HERC1: variants seen among roughly 807,000 people sequenced by gnomAD.
HERC1 encodes probable E3 ubiquitin-protein ligase HERC1.
Under a neutral mutation model 554.3 loss-of-function variants are expected in HERC1, and 160 were observed. The ratio of observed to expected loss-of-function variants is 0.29; its 90% CI spans 0.25 to 0.33. The LOEUF (loss-of-function observed/expected upper bound fraction) is 0.33. Among genes scored for constraint, HERC1 ranks in the 10% least tolerant of loss-of-function variants. HERC1 has a pLI of 1.00. For synonymous variants in HERC1, 2,175 were observed against 2,131.7 expected, an observed-to-expected ratio of 1.02 and a Z score of -0.56; for missense variants, 4,919 against 5,918.5, an observed-to-expected ratio of 0.83 and a Z score of 5.54.
chr15:63,763,778 ATTTAT>A (rs2075685630), intron 3 of HERC1, among the ~76,000 whole-genome samples: 2 of 152,192 alleles, frequency 1.3e-5, no homozygotes, highest in African/African-American at 4.8e-5. Flanking sequence ...TTAGAAGGGT[ATTTAT>A]TTTATAATAA....
chr15:63,646,128 G>C (rs1450994294), intron 55 of HERC1, among the ~76,000 whole-genome samples: 1 of 152,108 alleles, frequency 6.6e-6, no homozygotes, highest in Non-Finnish European at 1.5e-5. Context: ...TGTGATCATT[G>C]TGCTCTTCTG....
intron 51 of HERC1, 36 bp from the exon 52 acceptor site, chr15:63,652,577 T>A: frequency 6.8e-7 from 1 of 1,469,766 alleles, no homozygotes; most frequent in South Asian, 1.3e-5. Context: ...AATAATTTTC[T>A]ATTCAAATGA....
rs115245190 is a variant in HERC1 at position 63,639,273 on chromosome 15, T to C, written c.11902-497A>G. The stretch of plus-strand genomic sequence containing the variant: ...GATGGTCTCTTAAGATTATAAAACC[T>C]TATTTTTATTATATCTTCTATGTTT... On this transcript the variant is annotated intron_variant, in intron 61 of 77. Transcript: ENST00000443617. Among the ~76,000 whole-genome samples, 1,102 of 152,372 alleles carry C rather than the reference T, an allele frequency of 7.2e-3. 15 individuals carry two copies. Among genetic ancestry groups the C allele is most frequent in the African/African-American group, 0.026 (1,061 of 41,588 alleles).
rs917023350 is a variant in HERC1, at chr15:63,622,848, T to C, written c.13655A>G (p.Asn4552Ser). Residue 4552 changes from asparagine (N) to serine (S), a missense_variant, in exon 74 of 78, where the codon AAT (asparagine) becomes AGT (serine). Asn to Ser is a conservative substitution (Grantham distance 46, BLOSUM62 1). This residue lies in a region of HERC1 where 284 missense variants were observed against 294.1 expected (regional missense o/e 0.97). Coordinates refer to ENST00000443617, the MANE Select transcript of HERC1 (RefSeq NM_003922.4). ...GIVDLLIPSP[N>S]ATAEVGYNRD... ...ATTGTAACCCACTTCTGCGGTGGCA[T>C]TGGGAGAGGGTATAAGAAGGTCAAC... 5.0e-6 allele frequency: 8 copies of C among 1,607,820 alleles called. No individual in the cohort carries two copies. The highest frequency in any genetic ancestry group is 1.7e-5 in the Admixed American group (1 of 58,940).
At chr15:63,789,916 T>A (rs746802569) in intron 1 of HERC1, among the ~76,000 whole-genome samples, 16 of 152,018 alleles carry the variant, frequency 1.1e-4, no homozygotes, top group Admixed American at 2.6e-4. Flanking sequence ...TCCAGCTAAA[T>A]ACTAGAAAGA....
intron 1 of HERC1, among the ~76,000 whole-genome samples, chr15:63,796,355 CAGT>C: frequency 6.6e-6 from 1 of 152,274 alleles, no homozygotes; most frequent in African/African-American, 2.4e-5. Context: ...TGACTAAATT[CAGT>C]AGTTTCTAAT....
At chr15:63,689,839 T>C (rs1200303024) in intron 32 of HERC1, 140 bp from the exon 33 acceptor site, 22 of 535,344 alleles carry the variant, frequency 4.1e-5, no homozygotes, top group Admixed American at 1.0e-4. Context: ...CTTTTAGTGG[T>C]TATAAGTTAA....
chr15:63,802,892 T>C (rs1449762766), intron 1 of HERC1, among the ~76,000 whole-genome samples: 1 of 152,232 alleles, frequency 6.6e-6, no homozygotes, highest in Admixed American at 6.5e-5. Context: ...AAAATACATG[T>C]ATTATTTACT....
At chr15:63,829,823 G>T (rs933631212) in intron 1 of HERC1, among the ~76,000 whole-genome samples, 1 of 151,608 alleles carries the variant, frequency 6.6e-6, no homozygotes. Context: ...AAAGGGTAGA[G>T]GCCAACCTGA....
chr15:63,744,161 T>TGTGTGTGTGTGC (rs2074957913), intron 12 of HERC1, among the ~76,000 whole-genome samples: 1 of 38,078 alleles, frequency 2.6e-5, no homozygotes, highest in East Asian at 2.3e-4. Flanking sequence ...TGTGTGTGTG[T>TGTGTGTGTGTGC]GTGTCTCTCT....
chr15:63,659,993 C>T, intron 46 of HERC1, 57 bp from the exon 47 acceptor site: 4 of 1,326,434 alleles, frequency 3.0e-6, no homozygotes, highest in Non-Finnish European at 3.2e-6. Flanking sequence ...CATAAATCTG[C>T]TGGCAATGGT....
At chr15:63,803,809 A>G (rs986653047) in intron 1 of HERC1, among the ~76,000 whole-genome samples, 2 of 152,228 alleles carry the variant, frequency 1.3e-5, no homozygotes, top group Admixed American at 1.3e-4. Flanking sequence ...GAATAGCAAA[A>G]CAATTCTAAC....
rs1165672622 is a variant in HERC1, at chr15:63,727,742, T to C, written c.3251A>G (p.Tyr1084Cys). The C allele has an allele frequency of 6.2e-7, 1 of 1,613,536 alleles. No individual in the cohort carries two copies. The highest frequency in any genetic ancestry group is 8.5e-7 in the Non-Finnish European group (1 of 1,179,788). Residue 1084 changes from tyrosine to cysteine, a missense_variant, in exon 17 of 78, where the codon TAC becomes TGC. Around this residue, in one of 11 missense-constraint regions of HERC1, gnomAD observed 1,121 missense variants for 1,244.0 expected, o/e 0.90. Transcript: ENST00000443617. The surrounding 1 kb of genome is among the most constrained non-coding windows in gnomAD (Gnocchi z 4.3). The stretch of plus-strand genomic sequence containing the variant: ...AAGAGGTGGCAACAAGTCGAGGAGG[T>C]AACTCAATAAAGGCCGAGCCACTGA... ...PVSVARPLLSYLLDLLPPLDC... is the reference protein window; with the variant it reads ...PVSVARPLLSCLLDLLPPLDC...
Position 63,689,583 on chromosome 15 carries a change from A to AATT in HERC1, c.6048+3_6048+5dup, listed in dbSNP as rs780985087. Reference sequence around the variant, plus strand: ...TAAGAAATACCTTTTAGGAAAAACCAATTACCTGTAGTTTTATTTCTTGTT... The same window carrying AATT: ...TAAGAAATACCTTTTAGGAAAAACCAATTATTACCTGTAGTTTTATTTCTTGTT... On this transcript the variant is annotated splice_donor_region_variant and intron_variant, in intron 33 of 77. Coordinates refer to ENST00000443617, the MANE Select transcript of HERC1 (RefSeq NM_003922.4). The AATT allele has an allele frequency of 3.4e-6, 5 of 1,488,958 alleles. No individual in the cohort carries two copies. Among genetic ancestry groups the AATT allele is most frequent in the Non-Finnish European group, 4.6e-6 (5 of 1,096,782 alleles). The allele number at this position is 1,488,958 out of a possible 1,614,324, so 92.2% of individuals were successfully genotyped here.
intron 12 of HERC1, among the ~76,000 whole-genome samples, chr15:63,737,760 A>G (rs191452883): frequency 3.3e-5 from 5 of 151,900 alleles, no homozygotes; most frequent in Admixed American, 6.6e-5. Flanking sequence ...CACAAAGGAC[A>G]AGAAGAACTT....
At chr15:63,631,614 A>G (rs927864264) in intron 68 of HERC1, among the ~76,000 whole-genome samples, 31 of 152,156 alleles carry the variant, frequency 2.0e-4, no homozygotes, top group African/African-American at 7.5e-4. Context: ...ATCTTGGCTC[A>G]CTGCAACCTC....
At chr15:63,676,018 C>T (rs1243727371) in intron 37 of HERC1, among the ~76,000 whole-genome samples, 1 of 151,838 alleles carries the variant, frequency 6.6e-6, no homozygotes, top group Non-Finnish European at 1.5e-5. Flanking sequence ...ATTCTCCTGC[C>T]TTAGCTCCCT....
intron 54 of HERC1, among the ~76,000 whole-genome samples, chr15:63,649,069 T>C (rs1195092700): frequency 6.6e-6 from 1 of 152,202 alleles, no homozygotes; most frequent in Non-Finnish European, 1.5e-5. Context: ...GACAATTTCA[T>C]CTCGGCCAGG....
chr15:63,737,389 TCGTTTTTC>T lies in HERC1; in HGVS notation c.2521-2548_2521-2541del, dbSNP rs1463095024. ...TTTTTTCCAGATATATATATATATA[TCGTTTTTC>T]CAGATATATATATATATATCTTTTT... On this transcript the variant is annotated intron_variant, in intron 12 of 77. Transcript: ENST00000443617. Among the ~76,000 whole-genome samples, 4 of 134,828 alleles carry T rather than the reference TCGTTTTTC, an allele frequency of 3.0e-5. 1 individual carries two copies. Among genetic ancestry groups the T allele is most frequent in the African/African-American group, 8.6e-5 (3 of 34,790 alleles). 88.5% of individuals were successfully genotyped at this position (134,828 alleles called of 152,430 possible).
Sources: gnomAD v4.1 joint callset for allele counts (sites outside exome capture counted in the v4.1 genomes callset) on GRCh38, gnomAD v4.1.1 for gene constraint, gnomAD v4.1.1 regional missense constraint, Gnocchi (gnomAD v3.1) non-coding constraint, MANE v1.5 for transcripts, NCBI Gene and HGNC (gene_info 2026-07-23, HGNC 2026-07-21) for gene names.